The following FSD1L variants were observed in gnomAD, a reference collection of about 807,000 sequenced individuals.
The protein encoded by FSD1L is FSD1-like protein.
In FSD1L, 45 loss-of-function variants were observed where a neutral mutation model predicts 71.6. The ratio of observed to expected loss-of-function variants is 0.63; its 90% CI spans 0.49 to 0.81. FSD1L has a LOEUF of 0.81. Among genes scored for constraint, FSD1L ranks in the 30% least tolerant of loss-of-function variants. The pLI, the probability that FSD1L is intolerant of heterozygous loss-of-function variation, is 0.00. For synonymous variants in FSD1L, 197 were observed against 207.2 expected, an observed-to-expected ratio of 0.95 and a Z score of 0.42; for missense variants, 561 against 618.1, an observed-to-expected ratio of 0.91 and a Z score of 0.98.
At chr9:105,471,582 C>T (rs559852112) in intron 4 of FSD1L, among the ~76,000 whole-genome samples, 12 of 151,948 alleles carry the variant, frequency 7.9e-5, no homozygotes, top group African/African-American at 2.4e-4. Context: ...GACTAAGCTT[C>T]GCTTAGGTCC....
intron 11 of FSD1L, 29 bp downstream of exon 11, chr9:105,534,622 A>G: frequency 7.6e-7 from 1 of 1,309,290 alleles, no homozygotes; most frequent in South Asian, 1.3e-5. Flanking sequence ...GTTTTTCATT[A>G]TCTCAGATTA....
intron 8 of FSD1L, 56 bp from the exon 9 acceptor site, chr9:105,508,561 T>C: frequency 1.0e-6 from 1 of 989,930 alleles, no homozygotes; most frequent in East Asian, 2.7e-5. Flanking sequence ...ACTCTTACTT[T>C]TGGGAATAGA....
In FSD1L at chr9:105,471,833, A is replaced by T. The variant is rs1470945746; in HGVS notation, c.340-71A>T. 4 of 554,282 alleles carry T rather than the reference A, an allele frequency of 7.2e-6. No homozygotes were observed. The African/African-American group carries it at 8.1e-5, about 11-fold the overall frequency. The allele number at this position is 554,282 out of a possible 1,614,324, so 34.3% of individuals were successfully genotyped here. A position where few individuals can be genotyped will look rare whatever the true frequency, so the allele number is the denominator to read the frequency against. On this transcript the variant is annotated intron_variant, in intron 4 of 13. Coordinates refer to ENST00000481272, the MANE Select transcript of FSD1L (RefSeq NM_001145313.3). Reference sequence around the variant, plus strand: ...TTATTTGTAAGTTCATTATAACAATATATATTTAAGATTCTAATGGCAATA... The same window carrying T: ...TTATTTGTAAGTTCATTATAACAATTTATATTTAAGATTCTAATGGCAATA...
At chr9:105,471,755 A>G (rs1057496643) in intron 4 of FSD1L, 149 bp from the exon 5 acceptor site, 2 of 242,442 alleles carry the variant, frequency 8.2e-6, no homozygotes, top group Non-Finnish European at 1.6e-5. Context: ...TAACTTGATT[A>G]TCTTGCTACA....
In FSD1L at chr9:105,452,673, T is replaced by TTCCTG. The variant is rs1564073401; in HGVS notation, c.15+4438_15+4439insTCCTG. 3.4e-3 allele frequency among the ~76,000 whole-genome samples: 269 copies of TTCCTG among 79,712 alleles called. 1 individual carries two copies. The highest frequency in any genetic ancestry group is 0.016 in the African/African-American group (252 of 15,516). 52.3% of individuals were successfully genotyped at this position (79,712 alleles called of 152,430 possible). ...TGCCTGCCTGCCTGCCTGCCTGCCT[T>TTCCTG]CCTTCCTTCCTTCCTTCCTTCCTTC... On this transcript the variant is annotated intron_variant, in intron 1 of 13. Transcript: ENST00000481272.
At chr9:105,474,237 A>C (rs182250317) in intron 5 of FSD1L, among the ~76,000 whole-genome samples, 69 of 152,290 alleles carry the variant, frequency 4.5e-4, no homozygotes, top group African/African-American at 1.6e-3. Flanking sequence ...AGGCAATTGC[A>C]ATACAGTGGT....
At chr9:105,493,716 C>CCAAAT (rs1833130997) in intron 7 of FSD1L, among the ~76,000 whole-genome samples, 1 of 152,078 alleles carries the variant, frequency 6.6e-6, no homozygotes, top group Non-Finnish European at 1.5e-5. Context: ...AATCTCTCAG[C>CCAAAT]ATTTGCTTGT....
At chr9:105,524,017 A>G in intron 10 of FSD1L, 2 of 1,600,434 alleles carry the variant, frequency 1.2e-6, no homozygotes, top group South Asian at 1.1e-5. Flanking sequence ...CCTTCTCTTC[A>G]TCCCAACATT....
intron 2 of FSD1L, among the ~76,000 whole-genome samples, chr9:105,462,308 C>T (rs755721903): frequency 4.7e-5 from 7 of 149,582 alleles, no homozygotes; most frequent in Non-Finnish European, 7.4e-5. Flanking sequence ...CTCCACCTCC[C>T]GGGTTCAAGC....
In FSD1L at chr9:105,546,539, G is replaced by A; in HGVS notation, c.*56G>A. On this transcript the variant is annotated 3_prime_UTR_variant, in exon 14 of 14. Coordinates refer to ENST00000481272, the MANE Select transcript of FSD1L (RefSeq NM_001145313.3). Reference sequence around the variant, plus strand: ...TTGATTAGGTGGCCTTTTCTGTGCAGTTACTAATCACAGGAATTTGGTAGT... The same window carrying A: ...TTGATTAGGTGGCCTTTTCTGTGCAATTACTAATCACAGGAATTTGGTAGT... The A allele has an allele frequency of 6.9e-7, 1 of 1,448,312 alleles. No homozygotes were observed. The highest frequency in any genetic ancestry group is 9.1e-7 in the Non-Finnish European group (1 of 1,095,028). 89.7% of individuals were successfully genotyped at this position (1,448,312 alleles called of 1,614,324 possible). A position where few individuals can be genotyped will look rare whatever the true frequency, so the allele number is the denominator to read the frequency against.
chr9:105,530,443 A>T (rs957796418), intron 10 of FSD1L: 2 of 520,308 alleles, frequency 3.8e-6, no homozygotes, highest in Non-Finnish European at 6.8e-6. Flanking sequence ...TAAACTGCCA[A>T]TGTCAATAGT....
chr9:105,469,942 T>C (rs937541865), intron 4 of FSD1L, among the ~76,000 whole-genome samples: 4 of 152,170 alleles, frequency 2.6e-5, no homozygotes, highest in Non-Finnish European at 4.4e-5. Flanking sequence ...TTGCGTATGG[T>C]GTTAAGTAAG....
chr9:105,482,666 G>T (rs1388561588), intron 6 of FSD1L, among the ~76,000 whole-genome samples: 2 of 152,180 alleles, frequency 1.3e-5, no homozygotes, highest in East Asian at 3.9e-4. Context: ...TAGCATTGTT[G>T]CCCATCTAAA....
rs1589045165 is a variant in FSD1L at position 105,510,656 on chromosome 9, A to G, written c.895+1941A>G. ...TCTGCCCTCCAACATATGAAGCACT[A>G]TTTCTTCTGGCATTGAAATTCTCAG... On this transcript the variant is annotated intron_variant, in intron 9 of 13. Coordinates refer to ENST00000481272, the MANE Select transcript of FSD1L (RefSeq NM_001145313.3). 2.0e-5 allele frequency among the ~76,000 whole-genome samples: 3 copies of G among 152,186 alleles called. No homozygotes were observed. The South Asian group carries it at 6.2e-4, about 31-fold the overall frequency.
At chr9:105,479,321 G>T in intron 5 of FSD1L, 33 bp from the exon 6 acceptor site, 1 of 1,549,180 alleles carries the variant, frequency 6.5e-7, no homozygotes, top group Non-Finnish European at 8.7e-7. Context: ...GCACTAACTT[G>T]CCTTCTTTCT....
At chr9:105,450,980 G>A (rs1050985055) in intron 1 of FSD1L, among the ~76,000 whole-genome samples, 3 of 151,436 alleles carry the variant, frequency 2.0e-5, no homozygotes, top group Admixed American at 6.6e-5. Context: ...TTTTTGAGAC[G>A]AAGTCTCGCT....
rs1476194594 is a variant in FSD1L, at chr9:105,546,637, A to G, written c.*154A>G. 4.8e-6 allele frequency: 3 copies of G among 624,968 alleles called. No individual in the cohort carries two copies. The highest frequency in any genetic ancestry group is 7.5e-6 in the Non-Finnish European group (3 of 400,170). The allele number at this position is 624,968 out of a possible 1,614,324, so 38.7% of individuals were successfully genotyped here. ...TATCATTAAACACCTAGTACGAAGC[A>G]TTTGCAGGAACCTACTGTGCAGTAT... On this transcript the variant is annotated 3_prime_UTR_variant, in exon 14 of 14. Coordinates refer to ENST00000481272, the MANE Select transcript of FSD1L (RefSeq NM_001145313.3).
intron 7 of FSD1L, among the ~76,000 whole-genome samples, chr9:105,485,194 A>G (rs1832453746): frequency 1.3e-5 from 2 of 152,212 alleles, no homozygotes; most frequent in Admixed American, 6.5e-5. Flanking sequence ...GGTAATTTAT[A>G]TAAAGAAAAG....
At chr9:105,483,725 C>A (rs1201010967) in intron 6 of FSD1L, among the ~76,000 whole-genome samples, 1 of 152,058 alleles carries the variant, frequency 6.6e-6, no homozygotes, top group African/African-American at 2.4e-5. Flanking sequence ...CCTGTTACTT[C>A]CATGGCATAT....
Sources: gnomAD v4.1 joint callset for allele counts (sites outside exome capture counted in the v4.1 genomes callset) on GRCh38, gnomAD v4.1.1 for gene constraint, MANE v1.5 for transcripts, NCBI Gene and HGNC (gene_info 2026-07-23, HGNC 2026-07-21) for gene names.